Variants in CDH13 observed in about 807,000 individuals in gnomAD.
CDH13 encodes cadherin 13, also known as cadherin-13.
A neutral mutation model predicts 63.8 loss-of-function variants in CDH13; 24 were observed. That is an observed-to-expected ratio of 0.38 (90% CI 0.27 to 0.53). The LOEUF (loss-of-function observed/expected upper bound fraction) is 0.53. Among genes scored for constraint, CDH13 ranks in the 20% least tolerant of loss-of-function variants. The probability of loss-of-function intolerance (pLI) is 0.85; values close to 1 mark genes in which losing one functional copy is unlikely to be tolerated. For synonymous variants in CDH13, 503 were observed against 355.3 expected, an observed-to-expected ratio of 1.42 and a Z score of -4.67; for missense variants, 1,049 against 903.1, an observed-to-expected ratio of 1.16 and a Z score of -2.07.
intron 6 of CDH13, among the ~76,000 whole-genome samples, chr16:83,477,553 CT>C (rs1215871563): frequency 6.6e-6 from 1 of 152,148 alleles, no homozygotes; most frequent in Non-Finnish European, 1.5e-5. Context: ...CAGTGCTGCT[CT>C]CCCACAGGGT....
intron 1 of CDH13, among the ~76,000 whole-genome samples, chr16:82,774,388 T>A (rs1326154046): frequency 6.6e-6 from 1 of 151,906 alleles, no homozygotes; most frequent in Non-Finnish European, 1.5e-5. Context: ...ATACTTACAC[T>A]AGCTATCTCA....
intron 1 of CDH13, among the ~76,000 whole-genome samples, chr16:82,729,527 GA>G (rs2033284554): frequency 6.6e-6 from 1 of 152,146 alleles, no homozygotes; most frequent in African/African-American, 2.4e-5. Context: ...TCAACAATGG[GA>G]TTAAAATATT....
chr16:83,204,940 T>C (rs113877398), intron 4 of CDH13, among the ~76,000 whole-genome samples: 1 of 152,234 alleles, frequency 6.6e-6, no homozygotes, highest in Non-Finnish European at 1.5e-5. Context: ...GTGACACATA[T>C]CACTTTCACT....
intron 7 of CDH13, among the ~76,000 whole-genome samples, chr16:83,570,436 T>G (rs1904468840): frequency 6.6e-6 from 1 of 152,094 alleles, no homozygotes; most frequent in Admixed American, 6.5e-5. Context: ...ACCCAACCCT[T>G]TCTGAGTTCT....
At chr16:83,730,543 G>T (rs1005770922) in intron 10 of CDH13, among the ~76,000 whole-genome samples, 3 of 152,254 alleles carry the variant, frequency 2.0e-5, no homozygotes, top group African/African-American at 7.2e-5. Flanking sequence ...TCGATGAAAA[G>T]TTCAACACAC....
intron 7 of CDH13, among the ~76,000 whole-genome samples, chr16:83,494,438 A>G (rs1366145170): frequency 6.6e-6 from 1 of 152,248 alleles, no homozygotes; most frequent in Admixed American, 6.5e-5. Context: ...TCCTGTTGTC[A>G]GTGAAAGAGG....
At chr16:82,727,239 A>C (rs1305481417) in intron 1 of CDH13, among the ~76,000 whole-genome samples, 1 of 152,156 alleles carries the variant, frequency 6.6e-6, no homozygotes, top group Non-Finnish European at 1.5e-5. Flanking sequence ...TGGTGTTTGC[A>C]CTGGGGGCAT....
In CDH13 at chr16:83,379,934, T is replaced by TAG. The variant is rs367543331; in HGVS notation, c.781+34929_781+34930insGA. ...ATGTGTGTGTGTATATATATATATA[T>TAG]ATATAGAGAGAGAGAGAGAGAGAGA... On this transcript the variant is annotated intron_variant, in intron 6 of 13. Coordinates refer to ENST00000567109, the MANE Select transcript of CDH13 (RefSeq NM_001257.5). Among the ~76,000 whole-genome samples the TAG allele has an allele frequency of 1.6e-3, 141 of 86,680 alleles. 1 individual carries two copies. Among genetic ancestry groups the TAG allele is most frequent in the African/African-American group, 5.0e-3 (124 of 24,884 alleles). The allele number at this position is 86,680 out of a possible 152,430, so 56.9% of individuals were successfully genotyped here. A position where few individuals can be genotyped will look rare whatever the true frequency, so the allele number is the denominator to read the frequency against.
rs566409370 is a variant in CDH13, at chr16:83,321,489, C to G, written c.637-23373C>G. On this transcript the variant is annotated intron_variant, in intron 5 of 13. Coordinates refer to ENST00000567109, the MANE Select transcript of CDH13 (RefSeq NM_001257.5). The stretch of plus-strand genomic sequence containing the variant: ...AGACAACGACTAGGCTGTCATACCT[C>G]CTCATTTTTTTTTCTGGAAAATATG... Among the ~76,000 whole-genome samples the G allele has an allele frequency of 8.2e-4, 124 of 151,430 alleles. 1 individual carries two copies. The highest frequency in any genetic ancestry group is 3.0e-3 in the African/African-American group (124 of 41,228).
At chr16:83,091,347 G>A (rs559706132) in intron 3 of CDH13, among the ~76,000 whole-genome samples, 1 of 152,116 alleles carries the variant, frequency 6.6e-6, no homozygotes, top group South Asian at 2.1e-4. Flanking sequence ...TTCTCAGTCA[G>A]TAGTAGGAGG....
At chr16:83,553,450 A>G (rs922834941) in intron 7 of CDH13, among the ~76,000 whole-genome samples, 3 of 152,230 alleles carry the variant, frequency 2.0e-5, no homozygotes, top group African/African-American at 7.2e-5. Context: ...TTCTTATAAC[A>G]CTGGAATTTT....
chr16:83,043,873 C>A (rs1318187805), intron 3 of CDH13, among the ~76,000 whole-genome samples: 4 of 151,654 alleles, frequency 2.6e-5, no homozygotes, highest in Non-Finnish European at 4.4e-5. Flanking sequence ...CATAAGATAC[C>A]TTTTTACATT....
intron 3 of CDH13, among the ~76,000 whole-genome samples, chr16:83,038,737 C>T (rs182767973): frequency 2.7e-4 from 41 of 152,306 alleles, no homozygotes; most frequent in Admixed American, 4.6e-4. Context: ...TCGTTCCTCA[C>T]GCAGAAATGT....
At chr16:83,002,787 T>A (rs1289997348) in intron 2 of CDH13, among the ~76,000 whole-genome samples, 1 of 151,998 alleles carries the variant, frequency 6.6e-6, no homozygotes, top group African/African-American at 2.4e-5. Flanking sequence ...GGAAAAGCTG[T>A]CTAGACAGAA....
intron 2 of CDH13, among the ~76,000 whole-genome samples, chr16:82,928,131 C>G (rs1053118567): frequency 6.6e-6 from 1 of 150,574 alleles, no homozygotes; most frequent in Non-Finnish European, 1.5e-5. Flanking sequence ...GGTCATTTTT[C>G]TCCATTCAAT....
chr16:83,665,786 C>T (rs1349654949), intron 8 of CDH13, among the ~76,000 whole-genome samples: 2 of 152,152 alleles, frequency 1.3e-5, no homozygotes, highest in East Asian at 1.9e-4. Context: ...TTCCAGCCTT[C>T]TGATCATTAT....
chr16:83,425,746 CTTCT>C (rs79002384), intron 6 of CDH13, among the ~76,000 whole-genome samples: 29,787 of 151,878 alleles, frequency 0.2, 3,477 homozygotes, highest in East Asian at 0.51. Context: ...TCTGTCTTTC[CTTCT>C]TTCTTTCTCT....
chr16:83,598,443 A>G (rs1194971430), intron 7 of CDH13, among the ~76,000 whole-genome samples: 5 of 152,198 alleles, frequency 3.3e-5, no homozygotes, highest in Admixed American at 1.3e-4. Context: ...AAGGGAAAGT[A>G]TTAAAAGAGA....
At chr16:83,021,404 A>G (rs1324326795) in intron 2 of CDH13, among the ~76,000 whole-genome samples, 2 of 152,222 alleles carry the variant, frequency 1.3e-5, no homozygotes, top group African/African-American at 2.4e-5. Context: ...ACAACCTGCC[A>G]TGTTTTAAGG....
Sources: allele counts gnomAD v4.1 joint callset (sites outside exome capture counted in the v4.1 genomes callset), GRCh38; gene constraint gnomAD v4.1.1; transcripts MANE v1.5; gene names NCBI Gene and HGNC (gene_info 2026-07-23, HGNC 2026-07-21).